The following LARGE1 variants were observed in gnomAD, a reference collection of about 807,000 sequenced individuals.
LARGE1 encodes the protein xylosyl- and glucuronyltransferase LARGE1.
In LARGE1, 43 loss-of-function variants were observed where a neutral mutation model predicts 87.6. That is an observed-to-expected ratio of 0.49 (90% CI 0.38 to 0.63). LARGE1 has a LOEUF of 0.63. LARGE1 is among the 30% of genes least tolerant of loss of function. The pLI is 0.00. For synonymous variants in LARGE1, 434 were observed against 394.6 expected (o/e 1.10, Z -1.18); for missense variants, 802 against 1,000.2 (o/e 0.80, Z 2.67).
chr22:33,858,431 T>C (rs2063819758), intron 1 of LARGE1, among the ~76,000 whole-genome samples: 1 of 152,206 alleles, frequency 6.6e-6, no homozygotes, highest in African/African-American at 2.4e-5. Context: ...AGGGTAGCCA[T>C]TGCTGGCTCG....
chr22:33,658,682 C>T (rs2081039187), intron 2 of LARGE1, among the ~76,000 whole-genome samples: 1 of 152,152 alleles, frequency 6.6e-6, no homozygotes, highest in Admixed American at 6.5e-5. Context: ...TTTATTGAAT[C>T]TATCACTGAT....
At chr22:33,702,365 C>A (rs2082425706) in intron 2 of LARGE1, among the ~76,000 whole-genome samples, 2 of 152,156 alleles carry the variant, frequency 1.3e-5, no homozygotes, top group Admixed American at 1.3e-4. Flanking sequence ...ATCTAGCCCC[C>A]AGTAGGGACA....
intron 6 of LARGE1, among the ~76,000 whole-genome samples, chr22:33,538,177 T>C (rs2077093495): frequency 6.6e-6 from 1 of 152,286 alleles, no homozygotes; most frequent in Middle Eastern, 3.4e-3. Context: ...TGCTGCCTAG[T>C]CTTCAAAGCC....
chr22:33,171,219 G>A (rs938998301), intron 11 of LARGE1, among the ~76,000 whole-genome samples: 1 of 152,186 alleles, frequency 6.6e-6, no homozygotes, highest in African/African-American at 2.4e-5. Flanking sequence ...AAAGCATTCA[G>A]TCATATGGGT....
intron 1 of LARGE1, among the ~76,000 whole-genome samples, chr22:33,897,759 G>A (rs912090532): frequency 1.1e-4 from 17 of 152,164 alleles, no homozygotes; most frequent in African/African-American, 3.9e-4. Flanking sequence ...TAAATCACAG[G>A]GACCTGTCGG....
chr22:33,280,592 C>T lies in LARGE1; in HGVS notation c.1877+2610G>A, dbSNP rs572600633. The stretch of plus-strand genomic sequence containing the variant: ...GAGGAGGCAGCTTTGATCAGTTTAG[C>T]CTGGACACTGGCAGCTTGCAGAAAG... On this transcript the variant is annotated intron_variant, in intron 13 of 14. Coordinates refer to ENST00000397394, the MANE Select transcript of LARGE1 (RefSeq NM_133642.5). 5.3e-5 allele frequency among the ~76,000 whole-genome samples: 8 copies of T among 152,276 alleles called. 1 individual carries two copies. In the South Asian group the frequency reaches 1.7e-3, roughly 32 times the overall value.
chr22:33,381,816 C>T (rs1601644583), intron 9 of LARGE1, 103 bp downstream of exon 9: 1 of 1,456,760 alleles, frequency 6.9e-7, no homozygotes, highest in South Asian at 1.1e-5. Flanking sequence ...GCCCTTATCT[C>T]TCTCACCACA....
intron 2 of LARGE1, among the ~76,000 whole-genome samples, chr22:33,725,279 G>A (rs958303078): frequency 1.6e-4 from 24 of 152,320 alleles, no homozygotes; most frequent in African/African-American, 5.8e-4. Flanking sequence ...CCCAGGATGT[G>A]GTCTGGGAGG....
Position 33,730,533 on chromosome 22 carries a change from A to G in LARGE1, c.106+30838T>C, listed in dbSNP as rs193052052. On this transcript the variant is annotated intron_variant, in intron 2 of 14. Coordinates refer to ENST00000397394, the MANE Select transcript of LARGE1 (RefSeq NM_133642.5). ...AGCTTACACGAATTTTTGACTGTGC[A>G]GGGGGTTAGTGTCCCTAGTTCCCAT... Among the ~76,000 whole-genome samples the G allele has an allele frequency of 4.2e-3, 642 of 152,334 alleles. 6 individuals are homozygous for G. The highest frequency in any genetic ancestry group is 3.9e-3 in the Non-Finnish European group (265 of 68,032).
At chr22:33,872,108 C>T (rs1208786809) in intron 1 of LARGE1, among the ~76,000 whole-genome samples, 4 of 151,790 alleles carry the variant, frequency 2.6e-5, no homozygotes, top group South Asian at 4.1e-4. Context: ...CATGCTCTGA[C>T]GTCAACCTTT....
chr22:33,283,069 G>T, intron 13 of LARGE1, 133 bp downstream of exon 13: 2 of 1,098,574 alleles, frequency 1.8e-6, no homozygotes, highest in East Asian at 2.4e-5. Context: ...TCTGGAGAAA[G>T]CGGTGCTTTC....
At chr22:33,364,522 C>A (rs1003337466) in intron 9 of LARGE1, among the ~76,000 whole-genome samples, 2 of 152,184 alleles carry the variant, frequency 1.3e-5, no homozygotes, top group African/African-American at 4.8e-5. Flanking sequence ...TACCAGAGGT[C>A]AACCACTGTC....
chr22:33,816,794 A>G (rs568810807), intron 1 of LARGE1, among the ~76,000 whole-genome samples: 1 of 152,326 alleles, frequency 6.6e-6, no homozygotes, highest in Admixed American at 6.5e-5. Context: ...AAATTCAGGC[A>G]TATCTGGCCA....
At chr22:33,686,150 G>A (rs1214829131) in intron 2 of LARGE1, among the ~76,000 whole-genome samples, 2 of 152,114 alleles carry the variant, frequency 1.3e-5, no homozygotes, top group African/African-American at 4.8e-5. Flanking sequence ...AACCCATCTA[G>A]AGATATGTGG....
intron 1 of LARGE1, among the ~76,000 whole-genome samples, chr22:33,871,776 C>T (rs943112018): frequency 2.0e-4 from 30 of 151,844 alleles, no homozygotes; most frequent in Admixed American, 1.4e-3. Context: ...TGAACCACAC[C>T]GGTGACCTAC....
exon 12 of LARGE1, chr22:33,162,683 A>G (rs983128979): frequency 6.6e-6 from 1 of 152,136 alleles, no homozygotes; most frequent in East Asian, 1.9e-4. Flanking sequence ...AAAATAGAGG[A>G]TGTCTGTAAA....
chr22:33,668,296 T>C (rs1231953332), intron 2 of LARGE1, among the ~76,000 whole-genome samples: 1 of 152,240 alleles, frequency 6.6e-6, no homozygotes, highest in African/African-American at 2.4e-5. Context: ...CAGTGGGCAG[T>C]GAACACTCCT....
chr22:33,151,044 G>A, the LARGE1 span, among the ~76,000 whole-genome samples: 1 of 152,070 alleles, frequency 6.6e-6, no homozygotes, highest in African/African-American at 2.4e-5. Context: ...CAGGACAATT[G>A]ATATCTTTAC....
chr22:33,327,799 T>G (rs910565908), intron 10 of LARGE1, among the ~76,000 whole-genome samples: 5 of 152,164 alleles, frequency 3.3e-5, no homozygotes, highest in African/African-American at 9.7e-5. Flanking sequence ...TGCCTCAGCC[T>G]CTCAAAGTGC....
Sources: gnomAD v4.1 joint callset for allele counts (sites outside exome capture counted in the v4.1 genomes callset) on GRCh38, gnomAD v4.1.1 for gene constraint, MANE v1.5 for transcripts, NCBI Gene and HGNC (gene_info 2026-07-23, HGNC 2026-07-21) for gene names.